Variants in SCARA3 observed in about 807,000 individuals in gnomAD.
SCARA3 encodes cellular stress response gene protein.
Under a neutral mutation model 47.0 loss-of-function variants are expected in SCARA3, and 39 were observed. The observed-to-expected ratio is 0.83, with a 90% CI of 0.64 to 1.08. The LOEUF is 1.08. Among genes scored for constraint, SCARA3 ranks in the 50% least tolerant of loss-of-function variants. The pLI, the probability that SCARA3 is intolerant of heterozygous loss-of-function variation, is 0.00. For missense variants in SCARA3, 724 were observed against 792.3 expected (o/e 0.91, Z 1.04); for synonymous variants, 356 against 334.1 (o/e 1.07, Z -0.71).
chr8:27,646,966 G>GCGCCCCC (rs1801509553), intron 1 of SCARA3, among the ~76,000 whole-genome samples: 3 of 29,858 alleles, frequency 1.0e-4, no homozygotes, highest in African/African-American at 1.3e-4. Flanking sequence ...ACCCCTGACC[G>GCGCCCCC]CCCCCGCCCC....
rs776580052 is a variant in SCARA3, at chr8:27,658,899, G to C, written c.729G>C (p.Glu243Asp). The change falls in exon 5 of 6, where the codon GAG (glutamate) becomes GAC (aspartate). Residue 243 changes from glutamate (E) to aspartate (D), a missense_variant. Glu to Asp is a conservative substitution (Grantham distance 45). Transcript: ENST00000301904. ...WIHGIQRKTD[E>D]ETLTLQKIVT... ...ACGGGATCCAGCGGAAGACAGACGA[G>C]GAGACCCTGACCCTCCAGAAGATTG... is the stretch of plus-strand genomic sequence containing the variant. 2.5e-6 allele frequency: 4 copies of C among 1,614,164 alleles called. No homozygotes were observed. In the Admixed American group the frequency reaches 6.7e-5, roughly 27 times the overall value.
At chr8:27,730,422 G>C in the SCARA3 span, among the ~76,000 whole-genome samples, 1 of 151,400 alleles carries the variant, frequency 6.6e-6, no homozygotes, top group Non-Finnish European at 1.5e-5. Context: ...CACTGCTTCC[G>C]CCAGGCCTAG....
the SCARA3 span, among the ~76,000 whole-genome samples, chr8:27,718,120 C>T: frequency 6.6e-6 from 1 of 152,246 alleles, no homozygotes; most frequent in Admixed American, 6.5e-5. Flanking sequence ...GCCCAGAATG[C>T]TTCTCTACAA....
chr8:27,675,822 G>T (rs2128925049), downstream of SCARA3, among the ~76,000 whole-genome samples: 1 of 151,734 alleles, frequency 6.6e-6, no homozygotes, highest in East Asian at 2.0e-4. Flanking sequence ...AATGCAGATT[G>T]TGGGCCTCCC....
chr8:27,692,705 C>T, the SCARA3 span, among the ~76,000 whole-genome samples: 1 of 152,132 alleles, frequency 6.6e-6, no homozygotes, highest in East Asian at 1.9e-4. Context: ...CTCTCTGAAG[C>T]CTGCTGCCTG....
intron 5 of SCARA3, among the ~76,000 whole-genome samples, chr8:27,663,507 G>A (rs1383822602): frequency 6.6e-6 from 1 of 152,222 alleles, no homozygotes; most frequent in African/African-American, 2.4e-5. Context: ...TGATGATGGA[G>A]TATTGCTCTG....
chr8:27,645,309 T>C (rs912206803), intron 1 of SCARA3, among the ~76,000 whole-genome samples: 7 of 152,244 alleles, frequency 4.6e-5, no homozygotes, highest in African/African-American at 1.7e-4. Context: ...ACATAGGCCT[T>C]CGCCGAGGGC....
chr8:27,708,146 A>G, the SCARA3 span, among the ~76,000 whole-genome samples: 1 of 152,226 alleles, frequency 6.6e-6, no homozygotes, highest in Non-Finnish European at 1.5e-5. Flanking sequence ...CAGCAGACCT[A>G]AGGAATAGCC....
chr8:27,722,056 C>T, the SCARA3 span, among the ~76,000 whole-genome samples: 1 of 152,166 alleles, frequency 6.6e-6, no homozygotes, highest in African/African-American at 2.4e-5. Flanking sequence ...CATCACTGTG[C>T]CCCAGCCTAG....
At chr8:27,695,942 G>A in the SCARA3 span, among the ~76,000 whole-genome samples, 2 of 151,826 alleles carry the variant, frequency 1.3e-5, no homozygotes, top group African/African-American at 4.8e-5. Flanking sequence ...AAACTTTGAG[G>A]ATAAATACAA....
chr8:27,717,140 G>C, the SCARA3 span, among the ~76,000 whole-genome samples: 2 of 152,184 alleles, frequency 1.3e-5, no homozygotes, highest in Non-Finnish European at 2.9e-5. Flanking sequence ...GTGTGACATG[G>C]AACCTGACTG....
At chr8:27,695,674 G>A in the SCARA3 span, among the ~76,000 whole-genome samples, 81 of 152,144 alleles carry the variant, frequency 5.3e-4, no homozygotes, top group Non-Finnish European at 9.6e-4. Context: ...GGGAATCTCC[G>A]CAGAGAATTG....
chr8:27,696,418 G>T, the SCARA3 span, among the ~76,000 whole-genome samples: 4 of 152,008 alleles, frequency 2.6e-5, no homozygotes, highest in African/African-American at 9.7e-5. Context: ...ACAATGAAAT[G>T]AAATCTTTGA....
intron 1 of SCARA3, among the ~76,000 whole-genome samples, chr8:27,648,227 C>T (rs1178156515): frequency 6.6e-6 from 1 of 152,220 alleles, no homozygotes; most frequent in Non-Finnish European, 1.5e-5. Context: ...GTCTTTTTGT[C>T]TATAAATGTG....
At chr8:27,657,295 A>G (rs1283575138) in intron 4 of SCARA3, among the ~76,000 whole-genome samples, 2 of 151,190 alleles carry the variant, frequency 1.3e-5, no homozygotes, top group Non-Finnish European at 2.9e-5. Flanking sequence ...AATATGTGCC[A>G]TCTATTTATC....
rs544335166 is a variant in SCARA3, at chr8:27,670,955, G to A, written c.1425G>A (p.Gly475=). ...RGFKGDMGVK[G]PVGGRGPKGD... ...TCAAAGGAGATATGGGCGTGAAAGG[G>A]CCTGTTGGCGGCAGAGGCCCGAAAG... Residue 475 remains glycine (G), a synonymous_variant, in exon 6 of 6, where the codon GGG becomes GGA. Transcript: ENST00000301904. The A allele has an allele frequency of 1.3e-6, 2 of 1,596,546 alleles. No homozygotes were observed. The highest frequency in any genetic ancestry group is 1.1e-5 in the South Asian group (1 of 88,618).
chr8:27,634,699 C>T (rs1212529366), intron 1 of SCARA3, among the ~76,000 whole-genome samples: 3 of 152,180 alleles, frequency 2.0e-5, no homozygotes, highest in Non-Finnish European at 4.4e-5. Context: ...CAGCCCAGGC[C>T]CTGCCCTTCC....
Position 27,671,912 on chromosome 8 carries a change from C to T in SCARA3, c.*561C>T. 1.0e-6 allele frequency: 1 copy of T among 985,462 alleles called. No individual in the cohort carries two copies. The highest frequency in any genetic ancestry group is 1.7e-5 in the African/African-American group (1 of 57,372). 61.0% of individuals were successfully genotyped at this position (985,462 alleles called of 1,614,324 possible). On this transcript the variant is annotated 3_prime_UTR_variant, in exon 6 of 6. Transcript: ENST00000301904. ...AGAGGGCAGAGGAAGACCCCCTCTC[C>T]TGTGACTGAGCCTGCCAGGGAGGCA...
chr8:27,655,512 G>A (rs987235574), intron 3 of SCARA3, among the ~76,000 whole-genome samples: 3 of 152,142 alleles, frequency 2.0e-5, no homozygotes, highest in Admixed American at 6.5e-5. Flanking sequence ...AAGGCTGCCC[G>A]TGGGGTATAA....
Sources: gnomAD v4.1 joint callset for allele counts (sites outside exome capture counted in the v4.1 genomes callset) on GRCh38, gnomAD v4.1.1 for gene constraint, MANE v1.5 for transcripts, NCBI Gene and HGNC (gene_info 2026-07-23, HGNC 2026-07-21) for gene names.